The following CSMD1 variants were observed in gnomAD, a reference collection of about 807,000 sequenced individuals.
CSMD1 encodes the protein CUB and Sushi multiple domains 1, also known as CUB and sushi domain-containing protein 1.
A neutral mutation model predicts 417.5 loss-of-function variants in CSMD1; 213 were observed. The observed-to-expected ratio is 0.51, with a 90% CI of 0.46 to 0.57. The LOEUF (loss-of-function observed/expected upper bound fraction) is 0.57. Among genes scored for constraint, CSMD1 ranks in the 20% least tolerant of loss-of-function variants. CSMD1 has a pLI of 0.00. For missense variants in CSMD1, 6,923 were observed against 4,529.7 expected (o/e 1.53, Z -15.17); for synonymous variants, 2,862 against 1,736.8 (o/e 1.65, Z -16.11).
intron 5 of CSMD1, among the ~76,000 whole-genome samples, chr8:3,939,849 T>C (rs562011091): frequency 2.6e-5 from 4 of 151,964 alleles, no homozygotes; most frequent in Admixed American, 2.0e-4. Flanking sequence ...ATAATGGACA[T>C]TGGGTATTGG....
At chr8:3,279,405 T>C (rs1365698662) in intron 26 of CSMD1, among the ~76,000 whole-genome samples, 1 of 152,204 alleles carries the variant, frequency 6.6e-6, no homozygotes, top group African/African-American at 2.4e-5. Flanking sequence ...ATATAATTTG[T>C]CTTAGGAAAA....
In CSMD1 at chr8:4,992,091, G is replaced by A. The variant is rs952044926; in HGVS notation, c.85+2241C>T. On this transcript the variant is annotated intron_variant, in intron 1 of 69. Transcript: ENST00000635120. Reference sequence around the variant, plus strand: ...CTACAGCCAGGTTCTGGGACCTGCAGCGCGCAAGAGGAGCTCTCTTCCACG... The same window carrying A: ...CTACAGCCAGGTTCTGGGACCTGCAACGCGCAAGAGGAGCTCTCTTCCACG... Among the ~76,000 whole-genome samples the A allele has an allele frequency of 7.9e-5, 12 of 152,290 alleles. No individual in the cohort carries two copies. In the South Asian group the frequency reaches 2.5e-3, roughly 32 times the overall value.
intron 7 of CSMD1, among the ~76,000 whole-genome samples, chr8:3,664,954 T>C (rs372920431): frequency 1.3e-5 from 2 of 152,154 alleles, no homozygotes; most frequent in African/African-American, 4.8e-5. Context: ...AAGATTTCAA[T>C]ACATTCTTTA....
At chr8:3,838,136 T>A (rs1297920942) in intron 5 of CSMD1, among the ~76,000 whole-genome samples, 1 of 152,052 alleles carries the variant, frequency 6.6e-6, no homozygotes, top group Non-Finnish European at 1.5e-5. Flanking sequence ...GCCGCAAATA[T>A]CAGAGTCCTA....
intron 3 of CSMD1, among the ~76,000 whole-genome samples, chr8:4,052,828 G>C (rs556433462): frequency 3.0e-4 from 45 of 152,232 alleles, no homozygotes; most frequent in African/African-American, 1.1e-3. Flanking sequence ...ATTTGGGGCA[G>C]GGCCTAGGTA....
At chr8:4,667,634 T>C (rs1206854776) in intron 1 of CSMD1, among the ~76,000 whole-genome samples, 1 of 152,156 alleles carries the variant, frequency 6.6e-6, no homozygotes, top group Non-Finnish European at 1.5e-5. Context: ...CATATGGGAT[T>C]AAAAAAATAC....
chr8:4,718,036 G>A (rs774226690), intron 1 of CSMD1, among the ~76,000 whole-genome samples: 2 of 152,130 alleles, frequency 1.3e-5, no homozygotes, highest in African/African-American at 2.4e-5. Context: ...GGAGGGCAGT[G>A]GCACAATCAC....
At chr8:2,982,416 C>A (rs528071963) in intron 54 of CSMD1, among the ~76,000 whole-genome samples, 22 of 152,318 alleles carry the variant, frequency 1.4e-4, no homozygotes, top group African/African-American at 5.1e-4. Flanking sequence ...ATTGTTTATT[C>A]TCTTTCAAAC....
chr8:3,759,437 T>C (rs1032991897), intron 5 of CSMD1, among the ~76,000 whole-genome samples: 8 of 152,250 alleles, frequency 5.3e-5, no homozygotes, highest in African/African-American at 1.2e-4. Context: ...GCTGTTGGAG[T>C]GAGGTTTCCT....
chr8:4,302,789 G>A (rs1371206175), intron 3 of CSMD1, among the ~76,000 whole-genome samples: 1 of 152,140 alleles, frequency 6.6e-6, no homozygotes, highest in East Asian at 1.9e-4. Context: ...GGCACCGTCA[G>A]CCCCTCTACA....
At chr8:4,595,299 G>C (rs1222477847) in intron 2 of CSMD1, among the ~76,000 whole-genome samples, 1 of 151,146 alleles carries the variant, frequency 6.6e-6, no homozygotes, top group East Asian at 1.9e-4. Context: ...GGAAAGAGTA[G>C]ATAAAGGGTG....
intron 21 of CSMD1, among the ~76,000 whole-genome samples, chr8:3,351,734 T>G (rs923440963): frequency 8.3e-5 from 12 of 145,152 alleles, no homozygotes; most frequent in South Asian, 6.4e-4. Flanking sequence ...AATATATATT[T>G]AATATGTATT....
chr8:4,930,526 G>T (rs1807176988), intron 1 of CSMD1, among the ~76,000 whole-genome samples: 1 of 152,132 alleles, frequency 6.6e-6, no homozygotes, highest in African/African-American at 2.4e-5. Flanking sequence ...ATACAGCTGA[G>T]TAAGCCAATT....
At chr8:4,049,200 CTCTA>C (rs1238760330) in intron 3 of CSMD1, among the ~76,000 whole-genome samples, 2 of 151,976 alleles carry the variant, frequency 1.3e-5, no homozygotes, top group African/African-American at 2.4e-5. Context: ...TTGCGTCTTT[CTCTA>C]TCTATTCTGA....
chr8:4,975,259 AC>A lies in CSMD1; in HGVS notation c.85+19072del, dbSNP rs1030090079. Among the ~76,000 whole-genome samples the A allele has an allele frequency of 3.2e-4, 49 of 152,330 alleles. 1 individual carries two copies. In the East Asian group the frequency reaches 9.5e-3, roughly 29 times the overall value. On this transcript the variant is annotated intron_variant, in intron 1 of 69. Coordinates refer to ENST00000635120, the MANE Select transcript of CSMD1 (RefSeq NM_033225.6). ...AAGTCTCCAAGGATAATTAATTTCA[AC>A]TTACGCTTATTAAAGAGAATATCTG...
intron 5 of CSMD1, among the ~76,000 whole-genome samples, chr8:3,964,783 C>A (rs1239761620): frequency 1.3e-5 from 2 of 152,188 alleles, no homozygotes; most frequent in Admixed American, 6.5e-5. Flanking sequence ...ATGTATCCAA[C>A]AATTATTTGC....
intron 26 of CSMD1, among the ~76,000 whole-genome samples, chr8:3,274,247 A>T (rs1240992873): frequency 2.6e-4 from 40 of 151,402 alleles, no homozygotes; most frequent in African/African-American, 9.7e-4. Flanking sequence ...TTTGAGTGAG[A>T]TTCTTAATCC....
chr8:4,493,439 T>C (rs2130231057), intron 2 of CSMD1, among the ~76,000 whole-genome samples: 1 of 152,268 alleles, frequency 6.6e-6, no homozygotes, highest in East Asian at 1.9e-4. Context: ...TTCACGCCTG[T>C]AATGCCAACA....
intron 26 of CSMD1, among the ~76,000 whole-genome samples, chr8:3,250,653 G>C (rs1047081185): frequency 6.6e-6 from 1 of 152,172 alleles, no homozygotes; most frequent in African/African-American, 2.4e-5. Flanking sequence ...CACAATCATT[G>C]AACTAGTTTA....
Sources: gnomAD v4.1 joint callset for allele counts (sites outside exome capture counted in the v4.1 genomes callset) on GRCh38, gnomAD v4.1.1 for gene constraint, MANE v1.5 for transcripts, NCBI Gene and HGNC (gene_info 2026-07-23, HGNC 2026-07-21) for gene names.